The following RBM39 variants were observed in gnomAD, a reference collection of about 807,000 sequenced individuals.
RBM39 encodes RNA binding motif protein 39, also known as RNA-binding protein 39.
RBM39 carries 12 observed loss-of-function variants against 79.6 expected under a neutral mutation model. The ratio of observed to expected loss-of-function variants is 0.15; its 90% CI spans 0.10 to 0.24. The LOEUF is 0.24. Ranked by LOEUF, RBM39 falls within the 10% of genes least tolerant of loss-of-function variation. The probability of loss-of-function intolerance (pLI) is 1.00; values close to 1 mark genes in which losing one functional copy is unlikely to be tolerated. For synonymous variants in RBM39, 185 were observed against 208.4 expected (o/e 0.89, Z 0.97); for missense variants, 243 against 653.4 (o/e 0.37, Z 6.85).
At chr20:35,722,690 T>C (rs1197433580) in intron 8 of RBM39, among the ~76,000 whole-genome samples, 7 of 151,794 alleles carry the variant, frequency 4.6e-5, no homozygotes, top group Non-Finnish European at 7.4e-5. Flanking sequence ...TCCTAGCACT[T>C]TGGGAGGCCG....
At chr20:35,706,702 A>G (rs2035768813) in intron 14 of RBM39, among the ~76,000 whole-genome samples, 1 of 152,122 alleles carries the variant, frequency 6.6e-6, no homozygotes, top group Non-Finnish European at 1.5e-5. Context: ...ATTATTTTAA[A>G]AGGATCAAAA....
rs377640596 is a variant in RBM39, at chr20:35,705,218, A to T, written c.1413+7T>A. 6.7e-7 allele frequency: 1 copy of T among 1,501,724 alleles called. No individual in the cohort carries two copies. Among genetic ancestry groups the T allele is most frequent in the Admixed American group, 2.1e-5 (1 of 47,756 alleles). 93.0% of individuals were successfully genotyped at this position (1,501,724 alleles called of 1,614,324 possible). ...CTAACATCATTTATAAAAAAAGATG[A>T]AAATACCTGAGCTGAATTTTTGTCA... On this transcript the variant is annotated splice_region_variant and intron_variant, in intron 15 of 16. Coordinates refer to ENST00000253363, the MANE Select transcript of RBM39 (RefSeq NM_184234.3).
rs560223659 is a variant in RBM39, at chr20:35,711,642, C to CA, written c.1174+1376dup. On this transcript the variant is annotated intron_variant, in intron 12 of 16. Coordinates refer to ENST00000253363, the MANE Select transcript of RBM39 (RefSeq NM_184234.3). Reference sequence around the variant, plus strand: ...AATGCAGGTTTTCTAAAGGTACTCACACACTTAAGAACAACCACTAAGAAG... The same window carrying CA: ...AATGCAGGTTTTCTAAAGGTACTCACAACACTTAAGAACAACCACTAAGAAG... 5.3e-3 allele frequency among the ~76,000 whole-genome samples: 814 copies of CA among 152,258 alleles called. 3 individuals carry two copies. Among genetic ancestry groups the CA allele is most frequent in the Non-Finnish European group, 8.5e-3 (581 of 68,004 alleles).
chr20:35,720,338 G>A (rs548939251), intron 9 of RBM39, among the ~76,000 whole-genome samples: 6 of 152,112 alleles, frequency 3.9e-5, no homozygotes, highest in South Asian at 4.1e-4. Context: ...ACAAGGCCTC[G>A]TGGCGCCTGT....
intron 10 of RBM39, among the ~76,000 whole-genome samples, chr20:35,716,102 G>C (rs1278926811): frequency 6.6e-6 from 1 of 151,906 alleles, no homozygotes; most frequent in Non-Finnish European, 1.5e-5. Context: ...GTCTTACTCT[G>C]TTGCCCAGGC....
rs747536603 is a variant in RBM39 at position 35,704,469 on chromosome 20, C to CTA, written c.*10_*11dup. 25 of 1,564,538 alleles carry CTA rather than the reference C, an allele frequency of 1.6e-5. No individual in the cohort carries two copies. In the East Asian group the frequency reaches 5.6e-4, roughly 35 times the overall value. The stretch of plus-strand genomic sequence containing the variant: ...GAAAAAAAGCTATATACATAAGGGA[C>CTA]TATATCTTCCTTCATCGTCTACTTG... On this transcript the variant is annotated 3_prime_UTR_variant, in exon 17 of 17. Transcript: ENST00000253363.
rs2035302726 is a variant in RBM39, at chr20:35,701,923, G to A, written c.*2558C>T. 6.6e-6 allele frequency: 1 copy of A among 151,616 alleles called. No homozygotes were observed. 9.4% of individuals were successfully genotyped at this position (151,616 alleles called of 1,614,324 possible). A position where few individuals can be genotyped will look rare whatever the true frequency, so the allele number is the denominator to read the frequency against. On this transcript the variant is annotated 3_prime_UTR_variant, in exon 17 of 17. Coordinates refer to ENST00000253363, the MANE Select transcript of RBM39 (RefSeq NM_184234.3). ...GGTTGTTATTTAGATATACCTAGTG[G>A]CTTTATCAGAAAAAGCAAAACAGTT...
At position 35,735,155 on chromosome 20, in the gene RBM39, T is replaced by A. The variant is rs566887273; in HGVS notation, c.102-3020A>T. Reference sequence around the variant, plus strand: ...AGATAATCCACACCACAGTAGCCAATATATTTCAACTGTGTCATTTTAATG... The same window carrying A: ...AGATAATCCACACCACAGTAGCCAAAATATTTCAACTGTGTCATTTTAATG... On this transcript the variant is annotated intron_variant, in intron 3 of 16. Transcript: ENST00000253363. The A allele has an allele frequency of 6.4e-6, 9 of 1,396,726 alleles. No homozygotes were observed. The African/African-American group carries it at 1.3e-4, about 20-fold the overall frequency. The allele number at this position is 1,396,726 out of a possible 1,614,324, so 86.5% of individuals were successfully genotyped here.
At chr20:35,741,778 T>C (rs1000084264) in intron 1 of RBM39, among the ~76,000 whole-genome samples, 163 bp downstream of exon 1, 2 of 151,404 alleles carry the variant, frequency 1.3e-5, no homozygotes, top group Non-Finnish European at 2.9e-5. Flanking sequence ...ATCCAGACTA[T>C]ACCCGACTGG....
chr20:35,704,837 T>C, intron 15 of RBM39, 91 bp from the exon 16 acceptor site: 6 of 1,087,674 alleles, frequency 5.5e-6, no homozygotes, highest in Non-Finnish European at 8.2e-6. Context: ...AGAAACTTAG[T>C]GCTCTATAAC....
chr20:35,714,940 T>C (rs1456029294), intron 10 of RBM39, among the ~76,000 whole-genome samples: 1 of 152,186 alleles, frequency 6.6e-6, no homozygotes, highest in Non-Finnish European at 1.5e-5. Context: ...ATATCCACAC[T>C]AAAGTTACTA....
rs1330668639 is a variant in RBM39 at position 35,729,292 on chromosome 20, G to T, written c.416+20C>A. On this transcript the variant is annotated intron_variant, in intron 6 of 16. Transcript: ENST00000253363. ...TGCAAAAGCTTTTTAAGAGCTAAAG[G>T]CTTTAAAGAAGTAAACTACCTCACA... The T allele has an allele frequency of 6.4e-7, 1 of 1,568,002 alleles. No individual in the cohort carries two copies. Among genetic ancestry groups the T allele is most frequent in the South Asian group, 1.2e-5 (1 of 83,478 alleles).
At chr20:35,728,351 C>T (rs971782766) in intron 6 of RBM39, among the ~76,000 whole-genome samples, 37 of 152,246 alleles carry the variant, frequency 2.4e-4, no homozygotes, top group Admixed American at 5.9e-4. Context: ...GCTAATTACC[C>T]GATTTGATCA....
chr20:35,721,959 GTTAAAGT>G, intron 8 of RBM39, 82 bp from the exon 9 acceptor site: 4 of 1,478,462 alleles, frequency 2.7e-6, no homozygotes, highest in Non-Finnish European at 3.7e-6. Context: ...AACAACTAAT[GTTAAAGT>G]TTAGAGTGAT....
intron 9 of RBM39, among the ~76,000 whole-genome samples, chr20:35,717,457 T>C (rs1197202104): frequency 6.6e-6 from 1 of 152,088 alleles, no homozygotes; most frequent in African/African-American, 2.4e-5. Flanking sequence ...CAATAGAAGG[T>C]AGAAACAAAA....
chr20:35,735,428 C>G (rs1288950244), intron 3 of RBM39, among the ~76,000 whole-genome samples: 1 of 152,154 alleles, frequency 6.6e-6, no homozygotes, highest in African/African-American at 2.4e-5. Flanking sequence ...TGTTAAGAAT[C>G]AGAATTATAC....
chr20:35,732,872 T>C (rs2039520335), intron 3 of RBM39: 2 of 152,170 alleles, frequency 1.3e-5, no homozygotes, highest in South Asian at 4.1e-4. Context: ...TTATAAAAAT[T>C]TTCATCAAAT....
chr20:35,724,381 G>A (rs2425102), intron 8 of RBM39, among the ~76,000 whole-genome samples, 189 bp downstream of exon 8: 27,740 of 149,392 alleles, frequency 0.19, 2,973 homozygotes, highest in African/African-American at 0.3. Context: ...AAGGAGAAAC[G>A]ACAGGACGAC....
At chr20:35,734,601 C>A (rs1600622193) in intron 3 of RBM39, 1 of 279,710 alleles carries the variant, frequency 3.6e-6, no homozygotes. Context: ...CTCATAGGAC[C>A]CAAAACTTAT....
Sources: gnomAD v4.1 joint callset for allele counts (sites outside exome capture counted in the v4.1 genomes callset) on GRCh38, gnomAD v4.1.1 for gene constraint, MANE v1.5 for transcripts, NCBI Gene and HGNC (gene_info 2026-07-23, HGNC 2026-07-21) for gene names.